CCSER1: variants seen among roughly 807,000 people sequenced by gnomAD.
CCSER1 encodes serine-rich coiled-coil domain-containing protein 1.
A neutral mutation model predicts 82.0 loss-of-function variants in CCSER1; 41 were observed. The ratio of observed to expected loss-of-function variants is 0.50; its 90% CI spans 0.39 to 0.65. The LOEUF is 0.65. Ranked by LOEUF, CCSER1 falls within the 30% of genes least tolerant of loss-of-function variation. The pLI is 0.00. For missense variants in CCSER1, 1,119 were observed against 1,064.2 expected (o/e 1.05, Z -0.72); for synonymous variants, 414 against 383.9 (o/e 1.08, Z -0.92).
intron 10 of CCSER1, among the ~76,000 whole-genome samples, chr4:91,426,506 TA>T (rs552289843): frequency 2.2e-4 from 31 of 144,126 alleles, no homozygotes; most frequent in South Asian, 2.2e-4. Context: ...GACCACGATT[TA>T]AAAAAAAAAA....
At position 90,494,748 on chromosome 4, in the gene CCSER1, A is replaced by T. The variant is rs988032928; in HGVS notation, c.1724+26394A>T. 5.9e-5 allele frequency among the ~76,000 whole-genome samples: 9 copies of T among 152,280 alleles called. No homozygotes were observed. In the East Asian group the frequency reaches 1.2e-3, roughly 20 times the overall value. On this transcript the variant is annotated intron_variant, in intron 5 of 10. Coordinates refer to ENST00000509176, the MANE Select transcript of CCSER1 (RefSeq NM_001145065.2). ...TTTTTGCAAATAAAAGTTAAAATAA[A>T]ATTCTATTACTAAATCAACTCCCTA... is the stretch of plus-strand genomic sequence containing the variant.
chr4:91,383,623 T>A (rs538070790), intron 10 of CCSER1, among the ~76,000 whole-genome samples: 2 of 152,272 alleles, frequency 1.3e-5, no homozygotes, highest in South Asian at 4.1e-4. Flanking sequence ...GTTTCAAAGT[T>A]GAGTAATTAC....
chr4:90,742,631 A>G (rs1049122607), intron 7 of CCSER1, among the ~76,000 whole-genome samples: 4 of 152,178 alleles, frequency 2.6e-5, no homozygotes, highest in Non-Finnish European at 5.9e-5. Context: ...TGAAAAAAAT[A>G]ACTTTCAATT....
At chr4:90,446,645 T>C (rs929617926) in intron 4 of CCSER1, among the ~76,000 whole-genome samples, 2 of 152,184 alleles carry the variant, frequency 1.3e-5, no homozygotes, top group African/African-American at 2.4e-5. Context: ...AAAGGAAATC[T>C]CTTAAGGAAA....
At chr4:91,188,646 C>T (rs370349195) in intron 10 of CCSER1, among the ~76,000 whole-genome samples, 4 of 152,168 alleles carry the variant, frequency 2.6e-5, no homozygotes, top group Admixed American at 6.5e-5. Context: ...CAGTCATGTT[C>T]GCTGGTATGT....
intron 8 of CCSER1, among the ~76,000 whole-genome samples, chr4:90,904,714 G>A (rs1028935602): frequency 3.3e-5 from 5 of 152,058 alleles, no homozygotes; most frequent in African/African-American, 7.2e-5. Flanking sequence ...CTGAAACAAC[G>A]AATGCATTCA....
chr4:90,665,423 G>A (rs968119107), intron 6 of CCSER1, among the ~76,000 whole-genome samples: 7 of 151,640 alleles, frequency 4.6e-5, no homozygotes, highest in Admixed American at 1.3e-4. Context: ...CAGAGTTCAC[G>A]CCATTCTCCT....
At chr4:90,301,515 A>G (rs1733104165) in intron 1 of CCSER1, among the ~76,000 whole-genome samples, 5 of 152,192 alleles carry the variant, frequency 3.3e-5, no homozygotes, top group Admixed American at 3.3e-4. Flanking sequence ...TTTGTGTAGT[A>G]GTATTGTCTT....
chr4:90,648,319 AAGAAAG>A (rs990455321), intron 6 of CCSER1, among the ~76,000 whole-genome samples: 1 of 151,556 alleles, frequency 6.6e-6, no homozygotes, highest in African/African-American at 2.4e-5. Context: ...GAAAGAAAGA[AAGAAAG>A]AAAGAAAGAA....
intron 10 of CCSER1, among the ~76,000 whole-genome samples, chr4:91,116,264 T>C (rs1726587054): frequency 6.6e-6 from 1 of 152,172 alleles, no homozygotes; most frequent in South Asian, 2.1e-4. Flanking sequence ...CGAGTTCATG[T>C]CCTTTGTAGG....
rs181375239 is a variant in CCSER1, at chr4:90,160,729, T to C, written c.-42+32898T>C. On this transcript the variant is annotated intron_variant, in intron 1 of 10. Coordinates refer to ENST00000509176, the MANE Select transcript of CCSER1 (RefSeq NM_001145065.2). ...ATAAACTATGCAATGAAGCCTGATA[T>C]TGGAAGCTATGGGAAACAATAGAAT... 2.6e-3 allele frequency among the ~76,000 whole-genome samples: 390 copies of C among 152,200 alleles called. 2 individuals are homozygous for C. The highest frequency in any genetic ancestry group is 8.9e-3 in the African/African-American group (368 of 41,540).
At chr4:91,525,837 C>T (rs1180961414) in intron 10 of CCSER1, among the ~76,000 whole-genome samples, 1 of 152,168 alleles carries the variant, frequency 6.6e-6, no homozygotes, top group Non-Finnish European at 1.5e-5. Flanking sequence ...ACCCTGCCAA[C>T]CACCTAAGTG....
At chr4:91,594,588 G>A (rs1262446630) in intron 10 of CCSER1, among the ~76,000 whole-genome samples, 1 of 151,492 alleles carries the variant, frequency 6.6e-6, no homozygotes, top group Admixed American at 6.6e-5. Context: ...TGTGTTAAGA[G>A]GATGTTTCCT....
At chr4:91,153,556 G>A (rs147198433) in intron 10 of CCSER1, among the ~76,000 whole-genome samples, 1 of 151,904 alleles carries the variant, frequency 6.6e-6, no homozygotes, top group Non-Finnish European at 1.5e-5. Context: ...TCCTGTTGCT[G>A]GCAAGGAGCT....
intron 9 of CCSER1, among the ~76,000 whole-genome samples, chr4:90,996,290 C>A (rs1472604107): frequency 6.6e-6 from 1 of 152,030 alleles, no homozygotes; most frequent in African/African-American, 2.4e-5. Flanking sequence ...TTCTGTTTCA[C>A]AAGCTTCTAT....
At chr4:90,450,558 A>G (rs1761308228) in intron 4 of CCSER1, among the ~76,000 whole-genome samples, 1 of 152,202 alleles carries the variant, frequency 6.6e-6, no homozygotes, top group Non-Finnish European at 1.5e-5. Context: ...TGTTAAGTTG[A>G]GATCCCTGAT....
chr4:91,448,015 G>T (rs1285898735), intron 10 of CCSER1, among the ~76,000 whole-genome samples: 2 of 152,038 alleles, frequency 1.3e-5, no homozygotes, highest in Admixed American at 6.6e-5. Flanking sequence ...TAAGAGTTGA[G>T]TAATGTAATT....
intron 8 of CCSER1, among the ~76,000 whole-genome samples, chr4:90,840,151 C>T (rs1762396118): frequency 6.6e-6 from 1 of 152,004 alleles, no homozygotes; most frequent in Non-Finnish European, 1.5e-5. Context: ...TGAACATCAA[C>T]TATTTATTTT....
intron 8 of CCSER1, among the ~76,000 whole-genome samples, chr4:90,878,484 T>C (rs1720706350): frequency 6.6e-6 from 1 of 152,222 alleles, no homozygotes; most frequent in Non-Finnish European, 1.5e-5. Context: ...ACTTCCCCTG[T>C]TCTACTCTTG....
Sources: allele counts gnomAD v4.1 joint callset (sites outside exome capture counted in the v4.1 genomes callset), GRCh38; gene constraint gnomAD v4.1.1; transcripts MANE v1.5; gene names NCBI Gene and HGNC (gene_info 2026-07-23, HGNC 2026-07-21).